The following EPM2A variants were observed in gnomAD, a reference collection of about 807,000 sequenced individuals.
The protein encoded by EPM2A is EPM2A glucan phosphatase, laforin.
A neutral mutation model predicts 26.5 loss-of-function variants in EPM2A; 21 were observed. The ratio of observed to expected loss-of-function variants is 0.79; its 90% CI spans 0.56 to 1.14. The LOEUF (loss-of-function observed/expected upper bound fraction) is 1.14. EPM2A is among the 50% of genes most tolerant of loss of function. The pLI is 0.00. For synonymous variants in EPM2A, 217 were observed against 177.6 expected, an observed-to-expected ratio of 1.22 and a Z score of -1.76; for missense variants, 458 against 440.8, an observed-to-expected ratio of 1.04 and a Z score of -0.35.
chr6:145,475,221 G>A (rs1178161308), intron 4 of EPM2A, among the ~76,000 whole-genome samples: 3 of 152,112 alleles, frequency 2.0e-5, no homozygotes, highest in Admixed American at 2.0e-4. Flanking sequence ...CAATCCAAAT[G>A]CCCATCAATG....
At chr6:145,411,939 A>T (rs888564254) in intron 4 of EPM2A, among the ~76,000 whole-genome samples, 2 of 152,102 alleles carry the variant, frequency 1.3e-5, no homozygotes, top group African/African-American at 4.8e-5. Flanking sequence ...ATTTCATCTG[A>T]CTGGGTGTGG....
chr6:145,546,933 G>A (rs1780589895), intron 2 of EPM2A, among the ~76,000 whole-genome samples: 1 of 151,938 alleles, frequency 6.6e-6, no homozygotes, highest in Non-Finnish European at 1.5e-5. Context: ...AGCTGTGTAG[G>A]TCAATAGTTT....
intron 2 of EPM2A, among the ~76,000 whole-genome samples, chr6:145,676,386 A>G (rs1780041906): frequency 6.6e-6 from 1 of 152,194 alleles, no homozygotes; most frequent in Non-Finnish European, 1.5e-5. Context: ...AAGAGCAAAC[A>G]AATTCAAAAG....
At chr6:145,701,351 T>A (rs181335572) in intron 1 of EPM2A, among the ~76,000 whole-genome samples, 5 of 152,308 alleles carry the variant, frequency 3.3e-5, no homozygotes, top group Admixed American at 3.3e-4. Context: ...TCTTCCTAAA[T>A]GTCTGCTTTG....
intron 4 of EPM2A, among the ~76,000 whole-genome samples, chr6:145,474,077 G>A (rs1779510253): frequency 6.6e-6 from 1 of 152,138 alleles, no homozygotes; most frequent in Admixed American, 6.6e-5. Flanking sequence ...AAAGACTAAA[G>A]TGTGAATCAA....
intron 2 of EPM2A, among the ~76,000 whole-genome samples, chr6:145,649,990 G>A (rs551255801): frequency 4.6e-5 from 7 of 152,162 alleles, no homozygotes; most frequent in Non-Finnish European, 7.3e-5. Flanking sequence ...CCAGTTGCCT[G>A]TAGGGAGAAA....
intron 1 of EPM2A, among the ~76,000 whole-genome samples, chr6:145,700,407 A>C (rs759304965): frequency 4.6e-5 from 7 of 152,126 alleles, no homozygotes; most frequent in Non-Finnish European, 8.8e-5. Flanking sequence ...ATTAACTAGA[A>C]ATTTCCCTAT....
At chr6:145,684,757 A>G (rs1314581454) in intron 2 of EPM2A, 1 of 151,600 alleles carries the variant, frequency 6.6e-6, no homozygotes, top group Non-Finnish European at 1.5e-5. Flanking sequence ...CCCTACTTCA[A>G]ATTGCTCATC....
At chr6:145,620,627 T>C (rs1159559844), downstream of EPM2A, among the ~76,000 whole-genome samples, 5 of 152,258 alleles carry the variant, frequency 3.3e-5, no homozygotes, top group Admixed American at 2.0e-4. Flanking sequence ...TTTCTCTCAC[T>C]AGAAATTGAT....
chr6:145,544,708 A>G (rs976499236), intron 2 of EPM2A, among the ~76,000 whole-genome samples: 4 of 152,196 alleles, frequency 2.6e-5, no homozygotes, highest in African/African-American at 9.6e-5. Flanking sequence ...AGGATGATGA[A>G]TCACTTCAAA....
intron 4 of EPM2A, among the ~76,000 whole-genome samples, chr6:145,438,332 T>C (rs1562334629): frequency 6.6e-6 from 1 of 152,150 alleles, no homozygotes; most frequent in Non-Finnish European, 1.5e-5. Context: ...TGTAATTGTG[T>C]GCTTATCTCT....
In EPM2A at chr6:145,627,232, G is replaced by A. The variant is rs1434856837; in HGVS notation, c.*184C>T. The A allele has an allele frequency of 1.3e-6, 2 of 1,489,516 alleles. No homozygotes were observed. Among genetic ancestry groups the A allele is most frequent in the East Asian group, 4.7e-5 (2 of 43,004 alleles). The allele number at this position is 1,489,516 out of a possible 1,614,324, so 92.3% of individuals were successfully genotyped here. A position where few individuals can be genotyped will look rare whatever the true frequency, so the allele number is the denominator to read the frequency against. ...TGTTGAGCCACAGCTTTCTTGTAGA[G>A]TATTTCAAAAATACAGCCCCAAAAC... On this transcript the variant is annotated 3_prime_UTR_variant, in exon 4 of 4. Coordinates refer to ENST00000367519, the MANE Select transcript of EPM2A (RefSeq NM_005670.4).
intron 4 of EPM2A, among the ~76,000 whole-genome samples, chr6:145,467,408 T>A (rs1779413455): frequency 6.6e-6 from 1 of 152,150 alleles, no homozygotes; most frequent in Non-Finnish European, 1.5e-5. Flanking sequence ...AATTTTCCTA[T>A]GTAGCTGGAT....
At chr6:145,673,729 G>A (rs1008785113) in intron 2 of EPM2A, among the ~76,000 whole-genome samples, 11 of 152,120 alleles carry the variant, frequency 7.2e-5, no homozygotes, top group Admixed American at 7.2e-4. Context: ...GGGGAGGGGA[G>A]GGCGTCTGCT....
intron 2 of EPM2A, among the ~76,000 whole-genome samples, chr6:145,568,542 C>T (rs559274634): frequency 1.4e-4 from 22 of 152,212 alleles, no homozygotes; most frequent in Non-Finnish European, 1.2e-4. Flanking sequence ...AGGCTGGTCT[C>T]GAACTCCCGA....
chr6:145,613,234 AT>A (rs1234722181), intron 2 of EPM2A, among the ~76,000 whole-genome samples: 1 of 152,160 alleles, frequency 6.6e-6, no homozygotes. Flanking sequence ...GCAACTTCTC[AT>A]CTGTTCAAGT....
At chr6:145,383,420 T>C (rs1331502694) in exon 5 of EPM2A, 4 of 152,218 alleles carry the variant, frequency 2.6e-5, no homozygotes, top group African/African-American at 9.7e-5. Flanking sequence ...TGGCCGCAGC[T>C]ACTCAGCTTC....
intron 2 of EPM2A, among the ~76,000 whole-genome samples, chr6:145,567,007 C>T (rs181893953): frequency 1.4e-4 from 21 of 152,216 alleles, no homozygotes; most frequent in Non-Finnish European, 2.2e-4. Context: ...GTGCACTTGC[C>T]ATAAACCCGT....
chr6:145,594,540 A>T (rs1244061084), intron 2 of EPM2A, among the ~76,000 whole-genome samples: 1 of 149,110 alleles, frequency 6.7e-6, no homozygotes, highest in African/African-American at 2.6e-5. Context: ...CACAGACATT[A>T]AAAAAATATA....
Sources: allele counts gnomAD v4.1 joint callset (sites outside exome capture counted in the v4.1 genomes callset), GRCh38; gene constraint gnomAD v4.1.1; transcripts MANE v1.5; gene names NCBI Gene and HGNC (gene_info 2026-07-23, HGNC 2026-07-21).